The following MORC1 variants were observed in gnomAD, a reference collection of about 807,000 sequenced individuals.
The protein encoded by MORC1 is MORC family CW-type zinc finger protein 1.
Under a neutral mutation model 134.9 loss-of-function variants are expected in MORC1, and 59 were observed. The observed-to-expected ratio is 0.44, with a 90% confidence interval of 0.35 to 0.54. MORC1 has a LOEUF of 0.54. Ranked by LOEUF, MORC1 falls within the 20% of genes least tolerant of loss-of-function variation. MORC1 has a pLI of 0.00. For synonymous variants in MORC1, 395 were observed against 391.7 expected (o/e 1.01, Z -0.10); for missense variants, 947 against 1,134.5 (o/e 0.83, Z 2.37).
At chr3:109,109,507 C>T (rs1951115950) in intron 3 of MORC1, among the ~76,000 whole-genome samples, 1 of 152,178 alleles carries the variant, frequency 6.6e-6, no homozygotes, top group Non-Finnish European at 1.5e-5. Context: ...ATATTTCAAG[C>T]TCTAGCCCCT....
intron 3 of MORC1, among the ~76,000 whole-genome samples, chr3:109,108,590 T>C (rs1951088027): frequency 6.6e-6 from 1 of 151,396 alleles, no homozygotes; most frequent in African/African-American, 2.5e-5. Flanking sequence ...GGAATGAGTA[T>C]CTTTCTTTAA....
At chr3:109,003,559 T>C (rs962179139) in intron 20 of MORC1, among the ~76,000 whole-genome samples, 5 of 152,174 alleles carry the variant, frequency 3.3e-5, no homozygotes, top group East Asian at 1.9e-4. Flanking sequence ...AACTGACAAA[T>C]CCTAAATCTT....
chr3:109,054,280 C>CA (rs11292790), intron 14 of MORC1, among the ~76,000 whole-genome samples: 2,582 of 112,538 alleles, frequency 0.023, 70 homozygotes, highest in African/African-American at 0.071. Context: ...GACTCCATCT[C>CA]AAAAAAAAAA....
At chr3:109,006,736 A>T (rs565313462) in intron 18 of MORC1, among the ~76,000 whole-genome samples, 282 of 152,310 alleles carry the variant, frequency 1.9e-3, no homozygotes, top group African/African-American at 3.9e-3. Context: ...ATAGACAAAA[A>T]ATATATATGT....
At chr3:109,072,788 TCTTCCTGTTTC>T (rs1950345080) in intron 8 of MORC1, among the ~76,000 whole-genome samples, 1 of 152,160 alleles carries the variant, frequency 6.6e-6, no homozygotes, top group Admixed American at 6.6e-5. Context: ...CAAGAGTATT[TCTTCCTGTTTC>T]CTTCTAAATA....
At chr3:109,094,659 T>A (rs1447161896) in intron 7 of MORC1, among the ~76,000 whole-genome samples, 38 of 152,174 alleles carry the variant, frequency 2.5e-4, no homozygotes, top group Admixed American at 2.5e-3. Context: ...ATAGCCTGTA[T>A]CATCCTCTTC....
At position 109,114,327 on chromosome 3, in the gene MORC1, G is replaced by A. The variant is rs1305600378; in HGVS notation, c.119+57C>T. On this transcript the variant is annotated intron_variant, in intron 2 of 27. Transcript: ENST00000232603. ...ATCTTTTTATCTTCCCATGTAATTA[G>A]ACAAGAGTTATGTCATGAAATTCCC... is the stretch of plus-strand genomic sequence containing the variant. The A allele has an allele frequency of 7.1e-6, 10 of 1,415,834 alleles. No individual in the cohort carries two copies. The Admixed American group carries it at 1.6e-4, about 22-fold the overall frequency. The allele number at this position is 1,415,834 out of a possible 1,614,324, so 87.7% of individuals were successfully genotyped here.
chr3:109,030,291 G>A (rs566326920), intron 16 of MORC1, among the ~76,000 whole-genome samples: 1 of 152,262 alleles, frequency 6.6e-6, no homozygotes, highest in African/African-American at 2.4e-5. Flanking sequence ...ACATATGTCA[G>A]GGGTTTTGCC....
chr3:109,037,490 G>A (rs570568012), intron 14 of MORC1, among the ~76,000 whole-genome samples: 53 of 152,294 alleles, frequency 3.5e-4, no homozygotes, highest in African/African-American at 1.2e-3. Flanking sequence ...TGTGCACAAC[G>A]TGCAGGTTTG....
rs116361723 is a variant in MORC1, at chr3:108,979,363, T to C, written c.2477+152A>G. Reference sequence around the variant, plus strand: ...TACAAGGGATATTTAACCCATAGTATATCTAAATCAGCATAGTTAGGAGAC... The same window carrying C: ...TACAAGGGATATTTAACCCATAGTACATCTAAATCAGCATAGTTAGGAGAC... On this transcript the variant is annotated intron_variant, in intron 24 of 27. Transcript: ENST00000232603. 1,883 of 819,858 alleles carry C rather than the reference T, an allele frequency of 2.3e-3. 31 individuals carry two copies. In the African/African-American group the frequency reaches 0.028, roughly 12 times the overall value. The allele number at this position is 819,858 out of a possible 1,614,324, so 50.8% of individuals were successfully genotyped here.
At chr3:109,063,363 C>G in intron 9 of MORC1, 132 bp from the exon 10 acceptor site, 1 of 504,524 alleles carries the variant, frequency 2.0e-6, no homozygotes, top group East Asian at 3.1e-5. Flanking sequence ...TGAGTTGCAT[C>G]CAGCTGGTAA....
chr3:109,020,435 G>C (rs1948928563), intron 17 of MORC1, among the ~76,000 whole-genome samples: 1 of 152,138 alleles, frequency 6.6e-6, no homozygotes, highest in African/African-American at 2.4e-5. Context: ...AACTGAAGGA[G>C]TGGAGAGGTT....
At position 109,066,494 on chromosome 3, in the gene MORC1, C is replaced by T. The variant is rs1159079020; in HGVS notation, c.815+3138G>A. On this transcript the variant is annotated intron_variant, in intron 9 of 27. Transcript: ENST00000232603. ...TAGAGATGGGGTTTCACCTTCTTGG[C>T]CAGGCTGGTCTCAAACTCCTGACCT... is the stretch of plus-strand genomic sequence containing the variant. Among the ~76,000 whole-genome samples, 8 of 152,202 alleles carry T rather than the reference C, an allele frequency of 5.3e-5. No homozygotes were observed. The East Asian group carries it at 1.6e-3, about 30-fold the overall frequency.
At chr3:109,039,025 T>C (rs766772185) in intron 14 of MORC1, among the ~76,000 whole-genome samples, 1 of 152,158 alleles carries the variant, frequency 6.6e-6, no homozygotes, top group Non-Finnish European at 1.5e-5. Context: ...CAAGCAATTC[T>C]CATGACTCAG....
At chr3:109,110,059 GAAGCGT>G (rs1288766446) in intron 3 of MORC1, 2 of 152,190 alleles carry the variant, frequency 1.3e-5, no homozygotes, top group African/African-American at 2.4e-5. Context: ...TCTCTCTCAT[GAAGCGT>G]AAGCACTCCT....
intron 26 of MORC1, among the ~76,000 whole-genome samples, chr3:108,967,512 T>C (rs1466479540): frequency 6.6e-6 from 1 of 152,150 alleles, no homozygotes; most frequent in Non-Finnish European, 1.5e-5. Context: ...CTACCACACA[T>C]ACCCCACAGA....
Position 109,059,325 on chromosome 3 carries a change from T to A in MORC1, c.1031+481A>T, listed in dbSNP as rs948442011. 2.0e-5 allele frequency among the ~76,000 whole-genome samples: 3 copies of A among 152,248 alleles called. No homozygotes were observed. The South Asian group carries it at 6.2e-4, about 32-fold the overall frequency. ...GTAAATATTTGGTTTTGTTAACATA[T>A]CCTTCCTATTTTCATTTTTAGCGAT... On this transcript the variant is annotated intron_variant, in intron 12 of 27. Coordinates refer to ENST00000232603, the MANE Select transcript of MORC1 (RefSeq NM_014429.4).
intron 14 of MORC1, among the ~76,000 whole-genome samples, chr3:109,038,416 T>G (rs1460812634): frequency 2.0e-5 from 3 of 152,214 alleles, no homozygotes; most frequent in Non-Finnish European, 4.4e-5. Context: ...TAGTTTCTTT[T>G]GCTGTGCTGA....
At chr3:109,063,985 G>A (rs1355478143) in intron 9 of MORC1, among the ~76,000 whole-genome samples, 1 of 152,006 alleles carries the variant, frequency 6.6e-6, no homozygotes, top group Non-Finnish European at 1.5e-5. Flanking sequence ...AATCCTCAAA[G>A]CTCTGTAAAC....
Sources: allele counts gnomAD v4.1 joint callset (sites outside exome capture counted in the v4.1 genomes callset), GRCh38; gene constraint gnomAD v4.1.1; transcripts MANE v1.5; gene names NCBI Gene and HGNC (gene_info 2026-07-23, HGNC 2026-07-21).